The following PRTFDC1 variants were observed in gnomAD, a reference collection of about 807,000 sequenced individuals.
PRTFDC1 encodes the protein phosphoribosyltransferase domain-containing protein 1.
A neutral mutation model predicts 34.6 loss-of-function variants in PRTFDC1; 38 were observed. The observed-to-expected ratio is 1.10, with a 90% confidence interval of 0.85 to 1.44. PRTFDC1 has a LOEUF of 1.44. Ranked by LOEUF, PRTFDC1 falls within the 40% of genes most tolerant of loss-of-function variation. The pLI, the probability that PRTFDC1 is intolerant of heterozygous loss-of-function variation, is 0.00. For synonymous variants in PRTFDC1, 93 were observed against 98.1 expected (o/e 0.95, Z 0.31); for missense variants, 270 against 283.0 (o/e 0.95, Z 0.33).
chr10:24,943,050 TTATAATA>T (rs1269283657), intron 1 of PRTFDC1, among the ~76,000 whole-genome samples: 16 of 148,808 alleles, frequency 1.1e-4, no homozygotes, highest in African/African-American at 3.9e-4. Flanking sequence ...AATTATATAT[TTATAATA>T]TATAATATAT....
chr10:24,907,168 C>T (rs1848549878), intron 3 of PRTFDC1, among the ~76,000 whole-genome samples: 1 of 151,838 alleles, frequency 6.6e-6, no homozygotes, highest in Non-Finnish European at 1.5e-5. Context: ...GCTATGATCG[C>T]ACCTCTGCAC....
chr10:24,904,779 A>G (rs1848505930), intron 3 of PRTFDC1, among the ~76,000 whole-genome samples: 1 of 152,212 alleles, frequency 6.6e-6, no homozygotes, highest in Non-Finnish European at 1.5e-5. Flanking sequence ...CCTCTTCACC[A>G]GCCTGACACC....
At chr10:24,923,122 A>C (rs182563217) in intron 3 of PRTFDC1, among the ~76,000 whole-genome samples, 11 of 152,356 alleles carry the variant, frequency 7.2e-5, no homozygotes, top group African/African-American at 2.6e-4. Flanking sequence ...CTGAGGCTTC[A>C]GTATGTAAAC....
chr10:24,941,397 C>T lies in PRTFDC1; in HGVS notation c.155+933G>A, dbSNP rs1235992991. 1.3e-4 allele frequency among the ~76,000 whole-genome samples: 19 copies of T among 150,072 alleles called. No homozygotes were observed. The Admixed American group carries it at 1.3e-3, about 10-fold the overall frequency. On this transcript the variant is annotated intron_variant, in intron 2 of 8. Coordinates refer to ENST00000320152, the MANE Select transcript of PRTFDC1 (RefSeq NM_020200.7). ...ATTTTTTTTTTTTTTGAGACAAGAT[C>T]TCAGTATTTGAGATTAGCCCAGGTT...
chr10:24,867,063 G>A (rs1391391872), intron 4 of PRTFDC1, among the ~76,000 whole-genome samples: 2 of 151,770 alleles, frequency 1.3e-5, no homozygotes, highest in Admixed American at 6.6e-5. Flanking sequence ...AGAGAGGGCT[G>A]TGTAGAGTCT....
intron 3 of PRTFDC1, among the ~76,000 whole-genome samples, chr10:24,905,982 A>C (rs148998684): frequency 9.4e-4 from 143 of 152,152 alleles, no homozygotes; most frequent in African/African-American, 3.4e-3. Flanking sequence ...AGCTCCCACC[A>C]ATAAGTGAGA....
chr10:24,883,472 AC>A (rs202025450), intron 3 of PRTFDC1, among the ~76,000 whole-genome samples: 18,408 of 152,040 alleles, frequency 0.12, 1,672 homozygotes, highest in Non-Finnish European at 0.18. Context: ...AAAGGCCACC[AC>A]GAAAAAGGAA....
chr10:24,908,598 G>A (rs915357061), intron 3 of PRTFDC1: 2 of 1,612,708 alleles, frequency 1.2e-6, no homozygotes, highest in Non-Finnish European at 8.5e-7. Context: ...GGAGATTCTT[G>A]CAGGGGAGCA....
intron 3 of PRTFDC1, among the ~76,000 whole-genome samples, chr10:24,880,818 T>TCTTA (rs1848057681): frequency 1.8e-5 from 1 of 56,348 alleles, no homozygotes; most frequent in Non-Finnish European, 3.7e-5. Flanking sequence ...TCTTTCTCTT[T>TCTTA]CTTTCTTTCT....
At position 24,872,807 on chromosome 10, in the gene PRTFDC1, T is replaced by TATA. The variant is rs1491555567; in HGVS notation, c.340-745_340-744insTAT. On this transcript the variant is annotated intron_variant, in intron 3 of 8. Transcript: ENST00000320152. ...GTGTGTGTATATATATATATATATA[T>TATA]TTTTTTTTTTTTTTTTTTTTGAGAC... Among the ~76,000 whole-genome samples, 749 of 83,166 alleles carry TATA rather than the reference T, an allele frequency of 9.0e-3. 6 individuals carry two copies. The highest frequency in any genetic ancestry group is 0.041 in the African/African-American group (522 of 12,870). The allele number at this position is 83,166 out of a possible 152,430, so 54.6% of individuals were successfully genotyped here.
At chr10:24,915,988 T>A (rs1394819375) in intron 3 of PRTFDC1, among the ~76,000 whole-genome samples, 1 of 152,340 alleles carries the variant, frequency 6.6e-6, no homozygotes, top group East Asian at 1.9e-4. Flanking sequence ...TTATCTTGGA[T>A]GTTTAGGAGG....
intron 3 of PRTFDC1, among the ~76,000 whole-genome samples, chr10:24,897,598 A>T (rs1303243453): frequency 6.6e-6 from 1 of 152,226 alleles, no homozygotes; most frequent in Admixed American, 6.5e-5. Context: ...GACACTCCAC[A>T]ACTTGATGGA....
intron 1 of PRTFDC1, among the ~76,000 whole-genome samples, chr10:24,947,208 G>A (rs1304197539): frequency 1.3e-5 from 2 of 152,076 alleles, no homozygotes; most frequent in African/African-American, 4.8e-5. Flanking sequence ...AATCCAAATT[G>A]GCCATTATTT....
intron 3 of PRTFDC1, among the ~76,000 whole-genome samples, chr10:24,901,837 G>T (rs1230347845): frequency 2.6e-5 from 4 of 152,178 alleles, no homozygotes; most frequent in Admixed American, 1.3e-4. Context: ...TGTTGTGTTG[G>T]CTCACTCTGC....
chr10:24,952,502 C>G lies in PRTFDC1; in HGVS notation c.48+26G>C. On this transcript the variant is annotated intron_variant, in intron 1 of 8. Coordinates refer to ENST00000320152, the MANE Select transcript of PRTFDC1 (RefSeq NM_020200.7). The surrounding 1 kb of genome is among the most constrained non-coding windows in gnomAD (Gnocchi z 5.1). ...CAGGGAGGGAGGGGAGCGGGCCGAG[C>G]CCCAAAATAGGGAGTTTGCATTTAC... 6.4e-7 allele frequency: 1 copy of G among 1,574,210 alleles called. No homozygotes were observed. The highest frequency in any genetic ancestry group is 8.6e-7 in the Non-Finnish European group (1 of 1,158,768).
intron 2 of PRTFDC1, 112 bp from the exon 3 acceptor site, chr10:24,937,479 G>GAA (rs1849072258): frequency 1.0e-6 from 1 of 982,728 alleles, no homozygotes; most frequent in Admixed American, 3.3e-5. Flanking sequence ...GGAATGTGGG[G>GAA]AAAACCTTGG....
At chr10:24,915,281 C>A (rs1166478239) in intron 3 of PRTFDC1, among the ~76,000 whole-genome samples, 1 of 152,108 alleles carries the variant, frequency 6.6e-6, no homozygotes, top group Non-Finnish European at 1.5e-5. Context: ...TTATGCTTGC[C>A]TTTTCAAAGA....
intron 3 of PRTFDC1, among the ~76,000 whole-genome samples, chr10:24,885,928 T>C (rs1030822581): frequency 1.1e-4 from 17 of 152,094 alleles, no homozygotes; most frequent in African/African-American, 4.1e-4. Context: ...TAAATGACGT[T>C]CTAGAAAAGG....
intron 2 of PRTFDC1, among the ~76,000 whole-genome samples, chr10:24,941,090 G>A (rs548824023): frequency 6.6e-6 from 1 of 151,696 alleles, no homozygotes; most frequent in East Asian, 1.9e-4. Context: ...GTCTCGCTCT[G>A]TTCCCCAGGC....
Sources: gnomAD v4.1 joint callset for allele counts (sites outside exome capture counted in the v4.1 genomes callset) on GRCh38, gnomAD v4.1.1 for gene constraint, Gnocchi (gnomAD v3.1) non-coding constraint, MANE v1.5 for transcripts, NCBI Gene and HGNC (gene_info 2026-07-23, HGNC 2026-07-21) for gene names.